SLC12A6: variants seen among roughly 807,000 people sequenced by gnomAD.
SLC12A6 encodes solute carrier family 12 member 6.
SLC12A6 carries 66 observed loss-of-function variants against 135.3 expected under a neutral mutation model. The ratio of observed to expected loss-of-function variants is 0.49; its 90% CI spans 0.40 to 0.60. The LOEUF is 0.60. SLC12A6 is among the 20% of genes least tolerant of loss of function. The probability of loss-of-function intolerance (pLI) is 0.00; values close to 1 mark genes in which losing one functional copy is unlikely to be tolerated. For synonymous variants in SLC12A6, 513 were observed against 508.8 expected (o/e 1.01, Z -0.11); for missense variants, 1,058 against 1,452.3 (o/e 0.73, Z 4.41).
intron 2 of SLC12A6, among the ~76,000 whole-genome samples, chr15:34,301,571 AG>A (rs1948108176): frequency 6.6e-6 from 1 of 152,246 alleles, no homozygotes; most frequent in Non-Finnish European, 1.5e-5. Context: ...GGTAGAAAGT[AG>A]TGAAAATGTA....
chr15:34,277,564 A>G (rs1010574081), intron 2 of SLC12A6, among the ~76,000 whole-genome samples: 5 of 152,184 alleles, frequency 3.3e-5, no homozygotes, highest in African/African-American at 1.2e-4. Flanking sequence ...GGGCCCTATC[A>G]TTATGGAGAA....
At chr15:34,336,321 T>C (rs1416214621) in intron 2 of SLC12A6, 89 bp downstream of exon 2, 1 of 1,046,836 alleles carries the variant, frequency 9.6e-7, no homozygotes, top group South Asian at 1.3e-5. Context: ...ATCATAATTA[T>C]ATGATTATGA....
chr15:34,331,571 C>T (rs751304595), intron 2 of SLC12A6, among the ~76,000 whole-genome samples: 2 of 152,168 alleles, frequency 1.3e-5, no homozygotes, highest in Non-Finnish European at 1.5e-5. Context: ...TTTAAGTCTA[C>T]AAGATCTTCA....
At chr15:34,295,270 G>C (rs1895805935) in intron 2 of SLC12A6, among the ~76,000 whole-genome samples, 1 of 152,192 alleles carries the variant, frequency 6.6e-6, no homozygotes, top group Non-Finnish European at 1.5e-5. Flanking sequence ...AGAGTGAAAA[G>C]ATAACACAGA....
At chr15:34,305,570 G>A (rs1219006920) in intron 2 of SLC12A6, among the ~76,000 whole-genome samples, 1 of 151,698 alleles carries the variant, frequency 6.6e-6, no homozygotes, top group East Asian at 1.9e-4. Flanking sequence ...GTGAATACAA[G>A]ACAAAAAAGT....
intron 2 of SLC12A6, among the ~76,000 whole-genome samples, chr15:34,323,375 C>T (rs139023158): frequency 0.012 from 1,803 of 152,260 alleles, 14 homozygotes; most frequent in Middle Eastern, 0.037. Context: ...GAACGGGGCC[C>T]GCACAGCAGG....
At position 34,337,486 on chromosome 15, in the gene SLC12A6, G is replaced by C. The variant is rs971954957; in HGVS notation, c.-227C>G. ...GCGGATCAAGACACCTCGGACTGCAGCTCAGAGTCGTGGCAAGTCGTAGCT... is the reference window on the plus strand; with the variant it reads ...GCGGATCAAGACACCTCGGACTGCACCTCAGAGTCGTGGCAAGTCGTAGCT... On this transcript the variant is annotated 5_prime_UTR_variant, in exon 1 of 26. Transcript: ENST00000354181. 10 of 152,418 alleles carry C rather than the reference G, an allele frequency of 6.6e-5. No individual in the cohort carries two copies. The highest frequency in any genetic ancestry group is 2.4e-4 in the African/African-American group (10 of 41,414). The allele number at this position is 152,418 out of a possible 1,614,324, so 9.4% of individuals were successfully genotyped here.
At chr15:34,274,756 T>C in intron 3 of SLC12A6, among the ~76,000 whole-genome samples, 1 of 151,670 alleles carries the variant, frequency 6.6e-6, no homozygotes, top group East Asian at 1.9e-4. Context: ...GAGCTTGCAG[T>C]GAGTGGAGAT....
chr15:34,310,005 C>A (rs1436582179), intron 2 of SLC12A6, among the ~76,000 whole-genome samples: 1 of 144,136 alleles, frequency 6.9e-6, no homozygotes, highest in Admixed American at 7.0e-5. Flanking sequence ...AAGAGATAAT[C>A]TTTTTTTTTT....
intron 24 of SLC12A6, 60 bp from the exon 25 acceptor site, chr15:34,235,374 G>A (rs905281040): frequency 1.1e-5 from 16 of 1,411,160 alleles, no homozygotes; most frequent in South Asian, 2.3e-5. Flanking sequence ...TAAAGTCAAC[G>A]TTAAAAACTT....
At chr15:34,321,544 T>C (rs1889092069) in intron 2 of SLC12A6, among the ~76,000 whole-genome samples, 1 of 152,120 alleles carries the variant, frequency 6.6e-6, no homozygotes, top group Non-Finnish European at 1.5e-5. Flanking sequence ...TTGTTGGGGG[T>C]ATAAATTAGT....
At chr15:34,233,994 C>A (rs375876646) in intron 25 of SLC12A6, 22 bp from the exon 26 acceptor site, 1 of 1,292,146 alleles carries the variant, frequency 7.7e-7, no homozygotes, top group Non-Finnish European at 1.1e-6. Flanking sequence ...GTCAAGGAGA[C>A]AGGCAAAAGA....
chr15:34,295,659 T>C (rs78222055), intron 2 of SLC12A6, among the ~76,000 whole-genome samples: 1 of 152,192 alleles, frequency 6.6e-6, no homozygotes, highest in Non-Finnish European at 1.5e-5. Flanking sequence ...TATTCTTGTA[T>C]CAAAAAATTT....
chr15:34,255,618 G>C (rs1409114169), intron 7 of SLC12A6, among the ~76,000 whole-genome samples: 1 of 152,112 alleles, frequency 6.6e-6, no homozygotes, highest in African/African-American at 2.4e-5. Context: ...GCAATAGTTT[G>C]CCAGCATTTA....
chr15:34,310,837 G>A (rs1888202180), intron 2 of SLC12A6, among the ~76,000 whole-genome samples: 1 of 147,406 alleles, frequency 6.8e-6, no homozygotes, highest in South Asian at 2.1e-4. Context: ...CCAGGCTGGT[G>A]TTGAACTCCT....
At position 34,256,239 on chromosome 15, in the gene SLC12A6, T is replaced by A. The variant is rs529831828; in HGVS notation, c.735A>T (p.Gly245=). 1.2e-6 allele frequency: 2 copies of A among 1,601,418 alleles called. No individual in the cohort carries two copies. Among genetic ancestry groups the A allele is most frequent in the Non-Finnish European group, 1.7e-6 (2 of 1,168,462 alleles). ...AISMSAIATN[G]VVPAGGSYFM... ...CCTTGACCTACTAACCTGGCACCACTCCATTAGTGGCAATGGCACTCATGG... is the reference window on the plus strand; with the variant it reads ...CCTTGACCTACTAACCTGGCACCACACCATTAGTGGCAATGGCACTCATGG... Residue 245 remains glycine (G), a synonymous_variant, in exon 7 of 26, where the codon GGA becomes GGT. Coordinates refer to ENST00000354181, the MANE Select transcript of SLC12A6 (RefSeq NM_001365088.1).
intron 3 of SLC12A6, among the ~76,000 whole-genome samples, chr15:34,267,438 T>C (rs976572014): frequency 6.6e-6 from 1 of 152,336 alleles, no homozygotes; most frequent in Non-Finnish European, 1.5e-5. Flanking sequence ...CTCAGCACTA[T>C]GGAATTTTGG....
At chr15:34,242,081 C>A in intron 17 of SLC12A6, 21 bp downstream of exon 17, 1 of 1,594,860 alleles carries the variant, frequency 6.3e-7, no homozygotes, top group South Asian at 1.1e-5. Flanking sequence ...TAGCAGTGAT[C>A]AAGATTAAAT....
intron 6 of SLC12A6, among the ~76,000 whole-genome samples, chr15:34,256,787 C>G (rs1235211202): frequency 1.3e-5 from 2 of 152,128 alleles, no homozygotes; most frequent in African/African-American, 4.8e-5. Flanking sequence ...GATTGGTTAG[C>G]AGGCTACCAT....
Sources: gnomAD v4.1 joint callset for allele counts (sites outside exome capture counted in the v4.1 genomes callset) on GRCh38, gnomAD v4.1.1 for gene constraint, MANE v1.5 for transcripts, NCBI Gene and HGNC (gene_info 2026-07-23, HGNC 2026-07-21) for gene names.